The following APBB2 variants were observed in gnomAD, a reference collection of about 807,000 sequenced individuals.
APBB2 encodes Fe65-like 1.
APBB2 carries 38 observed loss-of-function variants against 82.5 expected under a neutral mutation model. That is an observed-to-expected ratio of 0.46 (90% CI 0.36 to 0.60). The LOEUF is 0.60. APBB2 is among the 20% of genes least tolerant of loss of function. The pLI is 0.00. For synonymous variants in APBB2, 341 were observed against 368.2 expected (o/e 0.93, Z 0.85); for missense variants, 772 against 972.3 (o/e 0.79, Z 2.74).
At chr4:40,842,429 C>T in intron 12 of APBB2, 1 of 448,394 alleles carries the variant, frequency 2.2e-6, no homozygotes, top group South Asian at 1.6e-5. Flanking sequence ...TTAGCATTCA[C>T]ACGGCATCCC....
At chr4:41,195,257 C>G in intron 1 of APBB2, among the ~76,000 whole-genome samples, 1 of 152,176 alleles carries the variant, frequency 6.6e-6, no homozygotes, top group Non-Finnish European at 1.5e-5. Context: ...ATGATGGTAT[C>G]CATGGCTGAA....
rs766612855 is a variant in APBB2, at chr4:40,816,017, G to A, written c.*75C>T. The stretch of plus-strand genomic sequence containing the variant: ...AGCATCAGCAACTGGATGGAAGGTC[G>A]GATGGCGGAGTTCATTTTCTTTAGT... On this transcript the variant is annotated 3_prime_UTR_variant, in exon 18 of 18. Transcript: ENST00000508593. 63 of 1,525,598 alleles carry A rather than the reference G, an allele frequency of 4.1e-5. No individual in the cohort carries two copies. Among genetic ancestry groups the A allele is most frequent in the Non-Finnish European group, 5.2e-5 (58 of 1,115,196 alleles). 94.5% of individuals were successfully genotyped at this position (1,525,598 alleles called of 1,614,324 possible). A position where few individuals can be genotyped will look rare whatever the true frequency, so the allele number is the denominator to read the frequency against.
intron 6 of APBB2, among the ~76,000 whole-genome samples, chr4:40,973,560 T>C (rs1265473781): frequency 6.6e-6 from 1 of 152,256 alleles, no homozygotes; most frequent in Admixed American, 6.5e-5. Context: ...ATTTATTTCC[T>C]AGGGCTGCTG....
At chr4:41,153,035 T>G (rs1762656466) in intron 1 of APBB2, among the ~76,000 whole-genome samples, 2 of 152,232 alleles carry the variant, frequency 1.3e-5, no homozygotes, top group African/African-American at 4.8e-5. Flanking sequence ...AATCCAAAAA[T>G]TATGAGCATT....
At chr4:41,180,421 T>C (rs923209445) in intron 1 of APBB2, among the ~76,000 whole-genome samples, 2 of 151,878 alleles carry the variant, frequency 1.3e-5, no homozygotes, top group African/African-American at 4.8e-5. Flanking sequence ...CCTGTAAAAC[T>C]TAGCTAGACC....
rs1270013013 is a variant in APBB2, at chr4:40,912,631, C to T, written c.1255-19220G>A. 2.6e-5 allele frequency among the ~76,000 whole-genome samples: 4 copies of T among 151,328 alleles called. No individual in the cohort carries two copies. In the East Asian group the frequency reaches 7.7e-4, roughly 29 times the overall value. On this transcript the variant is annotated intron_variant, in intron 10 of 17. Transcript: ENST00000508593. The stretch of plus-strand genomic sequence containing the variant: ...TATTGCAAAAGTATCTCTAAGAATG[C>T]TCTGAGAGTGACTGTGGAAATTCCC...
At chr4:40,884,068 C>T (rs1003539823) in intron 12 of APBB2, among the ~76,000 whole-genome samples, 1 of 152,166 alleles carries the variant, frequency 6.6e-6, no homozygotes, top group Non-Finnish European at 1.5e-5. Context: ...GTATTTAGGA[C>T]GTATCTGACC....
At chr4:40,936,119 T>C (rs573119697) in intron 7 of APBB2, among the ~76,000 whole-genome samples, 1 of 152,330 alleles carries the variant, frequency 6.6e-6, no homozygotes, top group South Asian at 2.1e-4. Flanking sequence ...ACTTTTCAAC[T>C]GAAGTTCTTT....
chr4:41,182,933 G>A (rs13111112), intron 1 of APBB2, among the ~76,000 whole-genome samples: 26,982 of 152,116 alleles, frequency 0.18, 2,541 homozygotes, highest in Middle Eastern at 0.24. Context: ...GATTTGGGTG[G>A]GGTCACAAAG....
rs60392587 is a variant in APBB2, at chr4:40,827,950, T to G, written c.1645-731A>C. Reference sequence around the variant, plus strand: ...GGGGCAGTTTTCCCCCATACTGTTCTCGTGGTGGTGAGTAAGTCCCACAAG... The same window carrying G: ...GGGGCAGTTTTCCCCCATACTGTTCGCGTGGTGGTGAGTAAGTCCCACAAG... On this transcript the variant is annotated intron_variant, in intron 13 of 17. Transcript: ENST00000508593. 1.4e-3 allele frequency among the ~76,000 whole-genome samples: 217 copies of G among 152,292 alleles called. 3 individuals carry two copies. The East Asian group carries it at 0.02, about 14-fold the overall frequency.
intron 2 of APBB2, among the ~76,000 whole-genome samples, chr4:41,142,063 A>G (rs999172379): frequency 1.3e-5 from 2 of 152,202 alleles, no homozygotes; most frequent in Non-Finnish European, 1.5e-5. Context: ...TTGTCCAGGA[A>G]AAATCTGGAT....
intron 1 of APBB2, among the ~76,000 whole-genome samples, chr4:41,159,730 T>A (rs1177552959): frequency 6.6e-6 from 1 of 151,806 alleles, no homozygotes; most frequent in East Asian, 1.9e-4. Context: ...ATGTGAATAG[T>A]CTATAAACTG....
At chr4:41,143,464 CG>C (rs1759798340) in intron 1 of APBB2, among the ~76,000 whole-genome samples, 1 of 152,222 alleles carries the variant, frequency 6.6e-6, no homozygotes, top group Admixed American at 6.5e-5. Context: ...TGATCTGCCC[CG>C]TGGAAAACCA....
chr4:41,066,145 A>G (rs1731730777), intron 3 of APBB2, among the ~76,000 whole-genome samples: 1 of 109,108 alleles, frequency 9.2e-6, no homozygotes, highest in South Asian at 2.6e-4. Context: ...GGAAAAAAAA[A>G]AAAACTTTTC....
rs1179609009 is a variant in APBB2 at position 40,811,904 on chromosome 4, T to C, written c.*4188A>G. The C allele has an allele frequency of 6.6e-6, 1 of 152,222 alleles. No homozygotes were observed. The highest frequency in any genetic ancestry group is 1.5e-5 in the Non-Finnish European group (1 of 68,034). The allele number at this position is 152,222 out of a possible 1,614,324, so 9.4% of individuals were successfully genotyped here. On this transcript the variant is annotated 3_prime_UTR_variant, in exon 18 of 18. Transcript: ENST00000508593. ...GATTCAACTGATTTCTCTAGTTACC[T>C]TTCATTTTGGATTTAGTGTGTGTAC...
chr4:40,908,370 C>A (rs539982118), intron 10 of APBB2, among the ~76,000 whole-genome samples: 2 of 152,280 alleles, frequency 1.3e-5, no homozygotes, highest in African/African-American at 2.4e-5. Flanking sequence ...TTCAGGTAAC[C>A]ATGAGCATAT....
At chr4:41,040,940 T>G (rs1048594305) in intron 4 of APBB2, among the ~76,000 whole-genome samples, 27 of 152,186 alleles carry the variant, frequency 1.8e-4, no homozygotes, top group Non-Finnish European at 3.5e-4. Flanking sequence ...GAGTGCAGTG[T>G]CGCAATCTCG....
At chr4:41,022,225 C>A (rs1428614620) in intron 5 of APBB2, among the ~76,000 whole-genome samples, 1 of 152,178 alleles carries the variant, frequency 6.6e-6, no homozygotes, top group Non-Finnish European at 1.5e-5. Flanking sequence ...GTATAGATGC[C>A]TAGGCCCCAC....
intron 6 of APBB2, among the ~76,000 whole-genome samples, chr4:40,968,722 A>C (rs1795260157): frequency 6.6e-6 from 1 of 152,074 alleles, no homozygotes; most frequent in Non-Finnish European, 1.5e-5. Flanking sequence ...ATCTGACACT[A>C]AAACTTGTTC....
Sources: allele counts gnomAD v4.1 joint callset (sites outside exome capture counted in the v4.1 genomes callset), GRCh38; gene constraint gnomAD v4.1.1; transcripts MANE v1.5; gene names NCBI Gene and HGNC (gene_info 2026-07-23, HGNC 2026-07-21).